Variants in COL12A1 observed in about 807,000 individuals in gnomAD.
COL12A1 encodes collagen alpha-1(XII) chain.
A neutral mutation model predicts 349.7 loss-of-function variants in COL12A1; 114 were observed. The ratio of observed to expected loss-of-function variants is 0.33; its 90% CI spans 0.28 to 0.38. The LOEUF is 0.38. Among genes scored for constraint, COL12A1 ranks in the 10% least tolerant of loss-of-function variants. The probability of loss-of-function intolerance (pLI) is 1.00; values close to 1 mark genes in which losing one functional copy is unlikely to be tolerated. For synonymous variants in COL12A1, 1,369 were observed against 1,329.0 expected (o/e 1.03, Z -0.66); for missense variants, 3,284 against 3,756.9 (o/e 0.87, Z 3.29).
At chr6:75,089,865 C>T (rs1022693208) in intron 63 of COL12A1, among the ~76,000 whole-genome samples, 2 of 152,052 alleles carry the variant, frequency 1.3e-5, no homozygotes, top group African/African-American at 4.8e-5. Context: ...AGAGTTTTTC[C>T]CATTAAAAAC....
chr6:75,128,409 CTG>C lies in COL12A1; in HGVS notation c.6225_6226del (p.Arg2076LysfsTer12). The C allele has an allele frequency of 6.2e-7, 1 of 1,600,108 alleles. No homozygotes were observed. Among genetic ancestry groups the C allele is most frequent in the South Asian group, 1.1e-5 (1 of 87,854 alleles). On this transcript the variant is annotated frameshift_variant, in exon 38 of 66. Transcript: ENST00000322507. LOFTEE classifies it high-confidence loss of function. Reference sequence around the variant, plus strand: ...GGGCTGCAGTATTACATTGTTTCTTCTGCCTGGGACTGTGGTCTATAGAGGAA... The same window carrying C: ...GGGCTGCAGTATTACATTGTTTCTTCCCTGGGACTGTGGTCTATAGAGGAA...
In COL12A1 at chr6:75,142,105, G is replaced by A; in HGVS notation, c.4884C>T (p.Thr1628=). Residue 1628 remains threonine (T), a synonymous_variant, in exon 27 of 66, where the codon ACC becomes ACT. Coordinates refer to ENST00000322507, the MANE Select transcript of COL12A1 (RefSeq NM_004370.6). ...CTGCAGAAACGCTGACTGTGTACAA[G>A]GTCTGTGAGAAGAGGTCTTTGAGGG... ...STSLKDLFSQ[T]LYTVSVSAVH... is the part of the protein sequence containing the mutation. The A allele has an allele frequency of 6.2e-7, 1 of 1,614,120 alleles. No homozygotes were observed.
At chr6:75,153,753 T>A (rs1369356681) in intron 17 of COL12A1, among the ~76,000 whole-genome samples, 1 of 152,162 alleles carries the variant, frequency 6.6e-6, no homozygotes, top group Non-Finnish European at 1.5e-5. Context: ...CCTCCGTCTC[T>A]AAGAATGTTA....
intron 49 of COL12A1, among the ~76,000 whole-genome samples, chr6:75,114,189 G>C (rs2149359400): frequency 6.6e-6 from 1 of 151,904 alleles, no homozygotes; most frequent in Middle Eastern, 3.4e-3. Flanking sequence ...AATGTCAGCT[G>C]TATGAGATCA....
At chr6:75,136,009 C>T (rs191846544) in intron 31 of COL12A1, among the ~76,000 whole-genome samples, 2 of 152,188 alleles carry the variant, frequency 1.3e-5, no homozygotes, top group East Asian at 1.9e-4. Context: ...AATCCAAGTA[C>T]CCCAAAGACT....
intron 64 of COL12A1, among the ~76,000 whole-genome samples, chr6:75,088,320 G>A (rs1582026913): frequency 6.6e-6 from 1 of 152,294 alleles, no homozygotes; most frequent in South Asian, 2.1e-4. Flanking sequence ...ATATAAAAAT[G>A]CTTTGGGAGA....
intron 33 of COL12A1, 124 bp downstream of exon 33, chr6:75,133,734 C>G (rs932208843): frequency 5.3e-6 from 6 of 1,134,120 alleles, no homozygotes; most frequent in Middle Eastern, 2.8e-4. Context: ...TCTATAAAGT[C>G]TTATTAAATG....
chr6:75,183,411 G>A lies in COL12A1; in HGVS notation c.1530C>T (p.Phe510=). Reference sequence around the variant, plus strand: ...TATTTGTAGATCCTCCTCTGTAAGGGAAGGTGTTTATTGCTTCAATTATAT... The same window carrying A: ...TATTTGTAGATCCTCCTCTGTAAGGAAAGGTGTTTATTGCTTCAATTATAT... ...VEDIIEAINT[F]PYRGGSTNTG... Residue 510 remains phenylalanine (F), a synonymous_variant, in exon 10 of 66, where the codon TTC becomes TTT. Transcript: ENST00000322507. The A allele has an allele frequency of 6.2e-7, 1 of 1,614,196 alleles. No individual in the cohort carries two copies. The highest frequency in any genetic ancestry group is 8.5e-7 in the Non-Finnish European group (1 of 1,180,036).
rs1768082046 is a variant in COL12A1, at chr6:75,097,148, T to C, written c.8577+105A>G. ...TAAAAACACAGTTCCCTCAATGATA[T>C]ACTCCACAGCACAGATGGAATGTGC... is the stretch of plus-strand genomic sequence containing the variant. On this transcript the variant is annotated intron_variant, in intron 59 of 65. Transcript: ENST00000322507. 2.5e-5 allele frequency: 20 copies of C among 791,436 alleles called. No individual in the cohort carries two copies. In the South Asian group the frequency reaches 3.5e-4, roughly 14 times the overall value. The allele number at this position is 791,436 out of a possible 1,614,324, so 49.0% of individuals were successfully genotyped here. A position where few individuals can be genotyped will look rare whatever the true frequency, so the allele number is the denominator to read the frequency against.
Position 75,111,818 on chromosome 6 carries a change from C to CTT in COL12A1, c.7950+1384_7950+1385dup, listed in dbSNP as rs572637717. ...TTGTACTCAGGGATTTTTGTTTTTC[C>CTT]TTTTTTTTTTGTTATCACTAATATG... On this transcript the variant is annotated intron_variant, in intron 51 of 65. Coordinates refer to ENST00000322507, the MANE Select transcript of COL12A1 (RefSeq NM_004370.6). 1.2e-3 allele frequency among the ~76,000 whole-genome samples: 180 copies of CTT among 146,712 alleles called. 1 individual carries two copies. Among genetic ancestry groups the CTT allele is most frequent in the African/African-American group, 2.9e-3 (115 of 40,276 alleles).
In COL12A1 at chr6:75,087,433, C is replaced by G. The variant is rs140011165; in HGVS notation, c.9181+144G>C. 4 of 725,638 alleles carry G rather than the reference C, an allele frequency of 5.5e-6. No individual in the cohort carries two copies. In the East Asian group the frequency reaches 1.1e-4, roughly 20 times the overall value. The allele number at this position is 725,638 out of a possible 1,614,324, so 44.9% of individuals were successfully genotyped here. A position where few individuals can be genotyped will look rare whatever the true frequency, so the allele number is the denominator to read the frequency against. ...TAATGTTGTGTGCTATGATAGCAAA[C>G]ACTATTATTATATAATCAGAACTGA... On this transcript the variant is annotated intron_variant, in intron 65 of 65. Coordinates refer to ENST00000322507, the MANE Select transcript of COL12A1 (RefSeq NM_004370.6).
rs538874234 is a variant in COL12A1 at position 75,134,803 on chromosome 6, T to A, written c.5447A>T (p.Asp1816Val). ...NSVVLQKLKP[D>V]TPYTITVSSL... ...GGATACGGTGATAGTGTAAGGAGTGTCTGGCTTCAGTTTCTGCAGGACCAC... is the reference window on the plus strand; with the variant it reads ...GGATACGGTGATAGTGTAAGGAGTGACTGGCTTCAGTTTCTGCAGGACCAC... The change falls in exon 32 of 66, where the codon GAC (aspartate) becomes GTC (valine). Residue 1816 changes from aspartate to valine, a missense_variant. By Grantham distance (152) the Asp-to-Val change is radical (BLOSUM62 -3). Transcript: ENST00000322507. 6.2e-7 allele frequency: 1 copy of A among 1,613,460 alleles called. No homozygotes were observed. The highest frequency in any genetic ancestry group is 1.7e-5 in the Admixed American group (1 of 60,022).
Position 75,087,580 on chromosome 6 carries a change from G to A in COL12A1, c.9178C>T (p.Pro3060Ser). Residue 3060 changes from proline to serine, a missense_variant, in exon 65 of 66, where the codon CCA (proline) becomes TCA (serine). Physicochemically the swap from Pro to Ser is moderately conservative, Grantham distance 74 (BLOSUM62 -1). Transcript: ENST00000322507. Reference protein sequence around the residue: ...ASIPYNGQGYPGSG With the variant: ...ASIPYNGQGYSGSG ...TCCTACAATGGCAACAACGTACCTGGATAGCCTTGCCCGTTGTATGGGATG... is the reference window on the plus strand; with the variant it reads ...TCCTACAATGGCAACAACGTACCTGAATAGCCTTGCCCGTTGTATGGGATG... 5 of 1,613,718 alleles carry A rather than the reference G, an allele frequency of 3.1e-6. No individual in the cohort carries two copies. The South Asian group carries it at 5.5e-5, about 18-fold the overall frequency.
intron 14 of COL12A1, among the ~76,000 whole-genome samples, chr6:75,157,562 C>G (rs12523693): frequency 1.3e-5 from 2 of 152,214 alleles, no homozygotes; most frequent in Middle Eastern, 3.4e-3. Flanking sequence ...GATTGCCCAG[C>G]TATTGCTTGG....
At chr6:75,156,205 C>CT (rs1252516174) in intron 15 of COL12A1, 52 bp downstream of exon 15, 170 of 1,593,990 alleles carry the variant, frequency 1.1e-4, no homozygotes, top group Non-Finnish European at 1.4e-4. Context: ...CCAAAGTCAT[C>CT]TTTTAAAACA....
At position 75,189,581 on chromosome 6, in the gene COL12A1, A is replaced by AT. The variant is rs757069984; in HGVS notation, c.628dup (p.Ile210AsnfsTer4). 5 of 1,612,592 alleles carry AT rather than the reference A, an allele frequency of 3.1e-6. No homozygotes were observed. Among genetic ancestry groups the AT allele is most frequent in the Non-Finnish European group, 4.2e-6 (5 of 1,179,150 alleles). On this transcript the variant is annotated frameshift_variant, in exon 6 of 66. Coordinates refer to ENST00000322507, the MANE Select transcript of COL12A1 (RefSeq NM_004370.6). LOFTEE classifies it high-confidence loss of function. Reference sequence around the variant, plus strand: ...CATTGTGTTGCCACCTTTATATGGAATTTTTTTTATTGCAGCAAGAAGTTC... The same window carrying AT: ...CATTGTGTTGCCACCTTTATATGGAATTTTTTTTTATTGCAGCAAGAAGTTC...
chr6:75,159,307 A>G (rs1005307525), intron 14 of COL12A1, among the ~76,000 whole-genome samples: 6 of 150,672 alleles, frequency 4.0e-5, no homozygotes, highest in African/African-American at 1.5e-4. Context: ...GAGAACTCTC[A>G]GTGAAGTCCA....
intron 14 of COL12A1, among the ~76,000 whole-genome samples, chr6:75,161,727 C>T (rs1768036550): frequency 6.6e-6 from 1 of 152,174 alleles, no homozygotes; most frequent in Non-Finnish European, 1.5e-5. Context: ...TCTCTGTTTG[C>T]AGATGACAAG....
At chr6:75,125,754 C>G (rs1217909192) in intron 39 of COL12A1, among the ~76,000 whole-genome samples, 1 of 152,090 alleles carries the variant, frequency 6.6e-6, no homozygotes, top group Non-Finnish European at 1.5e-5. Context: ...TCAAATTTTA[C>G]TTCCTTTATC....
Sources: allele counts gnomAD v4.1 joint callset (sites outside exome capture counted in the v4.1 genomes callset), GRCh38; gene constraint gnomAD v4.1.1; transcripts MANE v1.5; gene names NCBI Gene and HGNC (gene_info 2026-07-23, HGNC 2026-07-21).